GNB1: variants seen among roughly 807,000 people sequenced by gnomAD.
The protein encoded by GNB1 is G protein subunit beta 1, also known as guanine nucleotide-binding protein G(I)/G(S)/G(T) subunit beta-1.
GNB1 carries 2 observed loss-of-function variants against 42.9 expected under a neutral mutation model. That is an observed-to-expected ratio of 0.05 (90% CI 0.02 to 0.15). GNB1 has a LOEUF of 0.15. Among genes scored for constraint, GNB1 ranks in the 10% least tolerant of loss-of-function variants. The pLI, the probability that GNB1 is intolerant of heterozygous loss-of-function variation, is 1.00. For missense variants in GNB1, 193 were observed against 462.2 expected (o/e 0.42, Z 5.34); for synonymous variants, 183 against 174.7 (o/e 1.05, Z -0.38).
intron 7 of GNB1, among the ~76,000 whole-genome samples, chr1:1,799,992 A>C (rs1453285997): frequency 6.6e-6 from 1 of 152,262 alleles, no homozygotes; most frequent in Admixed American, 6.5e-5. Context: ...AAAGCTGAAC[A>C]GAGGTTTCTG....
At chr1:1,835,384 A>G (rs1647131900) in intron 2 of GNB1, among the ~76,000 whole-genome samples, 1 of 152,234 alleles carries the variant, frequency 6.6e-6, no homozygotes, top group African/African-American at 2.4e-5. Flanking sequence ...AATAGTCCCC[A>G]CAGCTCATGC....
intron 1 of GNB1, among the ~76,000 whole-genome samples, chr1:1,846,017 C>G (rs181872091): frequency 8.3e-5 from 12 of 143,776 alleles, no homozygotes; most frequent in Non-Finnish European, 1.4e-4. Flanking sequence ...CAAGGTCTGG[C>G]ACAGGAACCC....
At chr1:1,816,642 ATCT>A (rs1477365147) in intron 4 of GNB1, among the ~76,000 whole-genome samples, 6 of 123,410 alleles carry the variant, frequency 4.9e-5, no homozygotes, top group Admixed American at 2.8e-4. Flanking sequence ...TATTTTTATT[ATCT>A]TTTTTTTTTT....
intron 5 of GNB1, among the ~76,000 whole-genome samples, chr1:1,809,850 G>C (rs1646750895): frequency 6.6e-6 from 1 of 152,098 alleles, no homozygotes; most frequent in Non-Finnish European, 1.5e-5. Flanking sequence ...CACTCACCTA[G>C]AACATAGAGG....
chr1:1,838,479 C>G (rs1647181059), intron 2 of GNB1, among the ~76,000 whole-genome samples: 1 of 148,544 alleles, frequency 6.7e-6, no homozygotes. Flanking sequence ...GAGTCTCGCT[C>G]TGTCCCACAG....
At chr1:1,803,449 G>C (rs1159443862) in intron 7 of GNB1, among the ~76,000 whole-genome samples, 1 of 152,136 alleles carries the variant, frequency 6.6e-6, no homozygotes, top group African/African-American at 2.4e-5. Context: ...GTGCGTGGCT[G>C]TTTTTCATTT....
chr1:1,851,244 C>A (rs1647964821), intron 1 of GNB1, among the ~76,000 whole-genome samples: 1 of 152,116 alleles, frequency 6.6e-6, no homozygotes. Context: ...AACCATATCT[C>A]TACTAAAAAT....
chr1:1,873,927 G>A (rs185974185), intron 1 of GNB1, among the ~76,000 whole-genome samples: 10 of 152,276 alleles, frequency 6.6e-5, no homozygotes, highest in South Asian at 2.1e-4. Context: ...GGCAGGCAGC[G>A]TGGGGACTAA....
intron 2 of GNB1, among the ~76,000 whole-genome samples, chr1:1,833,241 G>A (rs1647101106): frequency 6.6e-6 from 1 of 152,148 alleles, no homozygotes; most frequent in African/African-American, 2.4e-5. Flanking sequence ...AAGGATCACA[G>A]CTCACCTCCA....
chr1:1,845,856 C>T (rs1321509195), intron 1 of GNB1, among the ~76,000 whole-genome samples: 1 of 149,532 alleles, frequency 6.7e-6, no homozygotes, highest in African/African-American at 2.4e-5. Context: ...CACACACACA[C>T]ACACACACAC....
intron 2 of GNB1, among the ~76,000 whole-genome samples, chr1:1,838,403 T>G (rs1176400802): frequency 1.3e-5 from 2 of 152,122 alleles, no homozygotes; most frequent in Non-Finnish European, 2.9e-5. Flanking sequence ...GGTTTTTGTT[T>G]TGTTTTGTTT....
At chr1:1,804,874 A>G in intron 6 of GNB1, among the ~76,000 whole-genome samples, 1 of 152,162 alleles carries the variant, frequency 6.6e-6, no homozygotes, top group East Asian at 1.9e-4. Context: ...TCAAAACCAC[A>G]TTAGGCCGGG....
At position 1,790,002 on chromosome 1, in the gene GNB1, C is replaced by T. The variant is rs1442312445; in HGVS notation, c.699+393G>A. Among the ~76,000 whole-genome samples, 3 of 152,196 alleles carry T rather than the reference C, an allele frequency of 2.0e-5. No individual in the cohort carries two copies. Among genetic ancestry groups the T allele is most frequent in the Admixed American group, 6.5e-5 (1 of 15,278 alleles). The stretch of plus-strand genomic sequence containing the variant: ...CAACAGATACATCCTTCTAAGTCTC[C>T]TCACAAGGCCAGGGGCTGGAAACAC... On this transcript the variant is annotated intron_variant, in intron 9 of 11. Coordinates refer to ENST00000378609, the MANE Select transcript of GNB1 (RefSeq NM_002074.5). This position sits in a 1 kb window ranked among gnomAD's most constrained non-coding sequence, Gnocchi z 5.4.
At chr1:1,813,815 A>G (rs1646814381) in intron 5 of GNB1, among the ~76,000 whole-genome samples, 1 of 152,224 alleles carries the variant, frequency 6.6e-6, no homozygotes, top group African/African-American at 2.4e-5. Context: ...AATATTTAAA[A>G]GAATTTTTGA....
chr1:1,834,732 G>A (rs763454081), intron 2 of GNB1, among the ~76,000 whole-genome samples: 5 of 149,406 alleles, frequency 3.3e-5, no homozygotes, highest in East Asian at 2.0e-4. Context: ...GCAGTGGTGC[G>A]ATCTCGGCTC....
chr1:1,852,512 G>A (rs533967961), intron 1 of GNB1, among the ~76,000 whole-genome samples: 1 of 151,934 alleles, frequency 6.6e-6, no homozygotes, highest in Non-Finnish European at 1.5e-5. Context: ...TTACAGGCTC[G>A]AGCCACGGCG....
At chr1:1,822,272 C>T (rs1295935624) in intron 3 of GNB1, among the ~76,000 whole-genome samples, 1 of 151,758 alleles carries the variant, frequency 6.6e-6, no homozygotes, top group Non-Finnish European at 1.5e-5. Flanking sequence ...ACGGCATGAG[C>T]CACGGTGCCT....
intron 4 of GNB1, among the ~76,000 whole-genome samples, chr1:1,817,170 A>G (rs1432885613): frequency 6.6e-6 from 1 of 152,156 alleles, no homozygotes; most frequent in African/African-American, 2.4e-5. Context: ...ACTATTCTAG[A>G]TATTTCATAT....
chr1:1,872,598 G>A (rs1649306674), intron 1 of GNB1, among the ~76,000 whole-genome samples: 1 of 152,134 alleles, frequency 6.6e-6, no homozygotes, highest in South Asian at 2.1e-4. Context: ...CCTTCCGCAG[G>A]GCCTCTGCAA....
Sources: allele counts gnomAD v4.1 joint callset (sites outside exome capture counted in the v4.1 genomes callset), GRCh38; gene constraint gnomAD v4.1.1; non-coding constraint Gnocchi (gnomAD v3.1); transcripts MANE v1.5; gene names NCBI Gene and HGNC (gene_info 2026-07-23, HGNC 2026-07-21).